Variants in PHIP observed in about 807,000 individuals in gnomAD.
The protein encoded by PHIP is PH-interacting protein.
A neutral mutation model predicts 236.8 loss-of-function variants in PHIP; 54 were observed. The ratio of observed to expected loss-of-function variants is 0.23; its 90% CI spans 0.18 to 0.29. The LOEUF is 0.29. PHIP is among the 10% of genes least tolerant of loss of function. PHIP has a pLI of 1.00. For missense variants in PHIP, 1,370 were observed against 2,190.8 expected (o/e 0.63, Z 7.48); for synonymous variants, 756 against 718.9 (o/e 1.05, Z -0.83).
chr6:78,966,617 TTTAAAACAGAGGACAC>T (rs1402594755), intron 27 of PHIP, among the ~76,000 whole-genome samples: 5 of 152,206 alleles, frequency 3.3e-5, no homozygotes, highest in Non-Finnish European at 4.4e-5. Flanking sequence ...AACTATTCTT[TTTAAAACAGAGGACAC>T]TCCTTGTGTC....
intron 31 of PHIP, among the ~76,000 whole-genome samples, chr6:78,960,043 T>C (rs1488000835): frequency 2.6e-5 from 4 of 152,154 alleles, no homozygotes; most frequent in Non-Finnish European, 5.9e-5. Flanking sequence ...TGGGAGCTAC[T>C]GGGAGCTGTA....
At chr6:78,977,955 T>C (rs1402719734) in intron 24 of PHIP, among the ~76,000 whole-genome samples, 1 of 152,164 alleles carries the variant, frequency 6.6e-6, no homozygotes, top group Non-Finnish European at 1.5e-5. Context: ...AATTTATTTA[T>C]GGTCAATCTG....
rs747900555 is a variant in PHIP at position 78,985,447 on chromosome 6, A to G, written c.2461-19T>C. The G allele has an allele frequency of 1.6e-6, 2 of 1,224,558 alleles. No homozygotes were observed. Among genetic ancestry groups the G allele is most frequent in the Admixed American group, 1.7e-5 (1 of 58,378 alleles). The allele number at this position is 1,224,558 out of a possible 1,614,324, so 75.9% of individuals were successfully genotyped here. A position where few individuals can be genotyped will look rare whatever the true frequency, so the allele number is the denominator to read the frequency against. On this transcript the variant is annotated intron_variant, in intron 21 of 39. Coordinates refer to ENST00000275034, the MANE Select transcript of PHIP (RefSeq NM_017934.7). Reference sequence around the variant, plus strand: ...CGCCTTCCTAAGATATGTTGAATACATGTCTTATTGCATAATTTTATAAAA... The same window carrying G: ...CGCCTTCCTAAGATATGTTGAATACGTGTCTTATTGCATAATTTTATAAAA...
At position 79,027,169 on chromosome 6, in the gene PHIP, A is replaced by G. The variant is rs148083876; in HGVS notation, c.601-1005T>C. Among the ~76,000 whole-genome samples, 190 of 152,310 alleles carry G rather than the reference A, an allele frequency of 1.2e-3. 1 individual carries two copies. Among genetic ancestry groups the G allele is most frequent in the African/African-American group, 4.4e-3 (184 of 41,588 alleles). On this transcript the variant is annotated intron_variant, in intron 7 of 39. Coordinates refer to ENST00000275034, the MANE Select transcript of PHIP (RefSeq NM_017934.7). ...TTTCTGCATCATAGTGACAATAAAT[A>G]TAACATATAAATCATCATACTGACA...
intron 15 of PHIP, chr6:79,004,502 T>C (rs1164869643): frequency 1.5e-6 from 1 of 651,554 alleles, no homozygotes; most frequent in African/African-American, 2.0e-5. Context: ...TTCTTCAGAC[T>C]ATGTTCCAGT....
rs1186475661 is a variant in PHIP, at chr6:78,938,694, GA to G, written c.*1998del. 4.0e-5 allele frequency: 6 copies of G among 151,284 alleles called. No individual in the cohort carries two copies. Among genetic ancestry groups the G allele is most frequent in the Admixed American group, 2.0e-4 (3 of 15,208 alleles). 9.4% of individuals were successfully genotyped at this position (151,284 alleles called of 1,614,324 possible). On this transcript the variant is annotated 3_prime_UTR_variant, in exon 40 of 40. Transcript: ENST00000275034. ...ATTTTATAGTTAAATATATTTGTTA[GA>G]AAAAAATAAATATACAAAAAACCTG...
intron 23 of PHIP, among the ~76,000 whole-genome samples, chr6:78,979,716 G>T (rs1768380715): frequency 6.6e-6 from 1 of 152,002 alleles, no homozygotes; most frequent in African/African-American, 2.4e-5. Flanking sequence ...ATTGATTAAA[G>T]TCTTTTGTGA....
At position 79,032,814 on chromosome 6, in the gene PHIP, A is replaced by T. The variant is rs1771738877; in HGVS notation, c.601-6650T>A. Reference sequence around the variant, plus strand: ...AATAATCGATTCTCAATTACAGGTGAAACAGGAGGTTTTCGATGTACTTTG... The same window carrying T: ...AATAATCGATTCTCAATTACAGGTGTAACAGGAGGTTTTCGATGTACTTTG... On this transcript the variant is annotated intron_variant, in intron 7 of 39. Transcript: ENST00000275034. Among the ~76,000 whole-genome samples the T allele has an allele frequency of 2.0e-5, 3 of 151,710 alleles. No homozygotes were observed. The South Asian group carries it at 6.3e-4, about 32-fold the overall frequency.
chr6:78,946,454 A>T, intron 37 of PHIP, 194 bp from the exon 38 acceptor site: 1 of 1,403,030 alleles, frequency 7.1e-7, no homozygotes, highest in South Asian at 1.7e-5. Context: ...TGCTAAAGTT[A>T]TATGACGGAA....
chr6:79,052,182 G>C (rs746105269), intron 6 of PHIP, among the ~76,000 whole-genome samples: 6 of 152,158 alleles, frequency 3.9e-5, no homozygotes, highest in Non-Finnish European at 7.4e-5. Context: ...GGGCTGAGGG[G>C]TGGATATCTG....
chr6:79,077,826 GGCCCGGCCCGCGCCGC>G lies in PHIP; in HGVS notation c.99+13_99+28del. 1 of 1,355,586 alleles carries G rather than the reference GGCCCGGCCCGCGCCGC, an allele frequency of 7.4e-7. No individual in the cohort carries two copies. Among genetic ancestry groups the G allele is most frequent in the Non-Finnish European group, 9.6e-7 (1 of 1,044,752 alleles). 84.0% of individuals were successfully genotyped at this position (1,355,586 alleles called of 1,614,324 possible). A position where few individuals can be genotyped will look rare whatever the true frequency, so the allele number is the denominator to read the frequency against. On this transcript the variant is annotated intron_variant, in intron 2 of 39. Coordinates refer to ENST00000275034, the MANE Select transcript of PHIP (RefSeq NM_017934.7). Reference sequence around the variant, plus strand: ...CCCACGCCCGCGAGCGGCGAGCGCCGGCCCGGCCCGCGCCGCGCGCCGCCGTACCTGAGCCGCCTGC... The same window carrying G: ...CCCACGCCCGCGAGCGGCGAGCGCCGGCGCCGCCGTACCTGAGCCGCCTGC...
At chr6:79,060,897 T>C in intron 4 of PHIP, 79 bp from the exon 5 acceptor site, 2 of 918,968 alleles carry the variant, frequency 2.2e-6, no homozygotes, top group Non-Finnish European at 3.3e-6. Flanking sequence ...AATAAAAAAA[T>C]TCATCCAAGT....
At chr6:79,017,269 T>G in intron 12 of PHIP, 77 bp downstream of exon 12, 2 of 874,658 alleles carry the variant, frequency 2.3e-6, no homozygotes, top group Non-Finnish European at 3.5e-6. Flanking sequence ...CTATACAGCT[T>G]CAAATAAAAT....
At chr6:79,058,997 TGTTGTTTTAATG>T (rs1266248223) in intron 6 of PHIP, among the ~76,000 whole-genome samples, 1 of 152,102 alleles carries the variant, frequency 6.6e-6, no homozygotes, top group Non-Finnish European at 1.5e-5. Flanking sequence ...CAAATTTTTT[TGTTGTTTTAATG>T]GTTGTTTATT....
intron 32 of PHIP, 69 bp from the exon 33 acceptor site, chr6:78,955,751 C>A: frequency 5.1e-6 from 3 of 590,310 alleles, no homozygotes; most frequent in South Asian, 2.4e-5. Context: ...AAAATTTGTT[C>A]GTAAAACCAT....
chr6:78,970,466 A>T (rs1447250565), intron 25 of PHIP, among the ~76,000 whole-genome samples: 1 of 152,180 alleles, frequency 6.6e-6, no homozygotes, highest in Admixed American at 6.5e-5. Flanking sequence ...TTGGTAACTG[A>T]ACTACTGATG....
intron 15 of PHIP, among the ~76,000 whole-genome samples, chr6:79,005,615 G>A (rs1730478990): frequency 6.6e-6 from 1 of 151,712 alleles, no homozygotes; most frequent in Non-Finnish European, 1.5e-5. Flanking sequence ...GAAGCCAAGA[G>A]AGAGAACAAA....
In PHIP at chr6:78,990,881, G is replaced by A; in HGVS notation, c.2306C>T (p.Pro769Leu). Reference sequence around the variant, plus strand: ...ATTAATATGTACCTTTGAGACAGTGGGTATTTTATTCTCTTTTGGAACAGT... The same window carrying A: ...ATTAATATGTACCTTTGAGACAGTGAGTATTTTATTCTCTTTTGGAACAGT... ...HLTVPKENKI[P>L]TVSKNHAHEH... Residue 769 changes from proline (P) to leucine (L), a missense_variant, in exon 20 of 40, where the codon CCC (proline) becomes CTC (leucine). Coordinates refer to ENST00000275034, the MANE Select transcript of PHIP (RefSeq NM_017934.7). 5 of 1,559,242 alleles carry A rather than the reference G, an allele frequency of 3.2e-6. No individual in the cohort carries two copies. Among genetic ancestry groups the A allele is most frequent in the African/African-American group, 2.7e-5 (2 of 73,484 alleles).
intron 15 of PHIP, among the ~76,000 whole-genome samples, chr6:79,009,311 C>T (rs1345081853): frequency 6.6e-6 from 1 of 152,008 alleles, no homozygotes; most frequent in East Asian, 1.9e-4. Context: ...TGACACTTAG[C>T]TTTTTATAAT....
Sources: gnomAD v4.1 joint callset for allele counts (sites outside exome capture counted in the v4.1 genomes callset) on GRCh38, gnomAD v4.1.1 for gene constraint, MANE v1.5 for transcripts, NCBI Gene and HGNC (gene_info 2026-07-23, HGNC 2026-07-21) for gene names.